Variants in KCNMA1 observed in about 807,000 individuals in gnomAD.
KCNMA1 encodes the protein potassium calcium-activated channel subfamily M alpha 1.
In KCNMA1, 29 loss-of-function variants were observed where a neutral mutation model predicts 140.0. The ratio of observed to expected loss-of-function variants is 0.21; its 90% confidence interval spans 0.15 to 0.28. The LOEUF (loss-of-function observed/expected upper bound fraction) is 0.28, where lower values mean the gene tolerates loss of function less well. KCNMA1 is among the 10% of genes least tolerant of loss of function. The pLI, the probability that KCNMA1 is intolerant of heterozygous loss-of-function variation, is 1.00. For missense variants in KCNMA1, 880 were observed against 1,602.2 expected, an observed-to-expected ratio of 0.55 and a Z score of 7.70; for synonymous variants, 612 against 611.9, an observed-to-expected ratio of 1.00 and a Z score of 0.00.
intron 2 of KCNMA1, among the ~76,000 whole-genome samples, chr10:77,280,640 C>T (rs1158763259): frequency 6.6e-6 from 1 of 152,092 alleles, no homozygotes; most frequent in African/African-American, 2.4e-5. Flanking sequence ...GCTCCTCCCA[C>T]CTCAGCCTCC....
At chr10:77,077,379 T>C (rs2153725448) in intron 13 of KCNMA1, among the ~76,000 whole-genome samples, 1 of 152,334 alleles carries the variant, frequency 6.6e-6, no homozygotes, top group African/African-American at 2.4e-5. Context: ...TAATCATGAA[T>C]TGGTTGATAT....
intron 14 of KCNMA1, among the ~76,000 whole-genome samples, chr10:77,067,153 G>C (rs983844941): frequency 6.6e-6 from 1 of 152,172 alleles, no homozygotes; most frequent in Non-Finnish European, 1.5e-5. Flanking sequence ...TGAATTTGTG[G>C]AGTGAGTAAA....
intron 2 of KCNMA1, among the ~76,000 whole-genome samples, chr10:77,280,098 C>T (rs2067979093): frequency 6.6e-6 from 1 of 152,170 alleles, no homozygotes; most frequent in Non-Finnish European, 1.5e-5. Flanking sequence ...ATAGAGAACA[C>T]CAACATACCA....
intron 17 of KCNMA1, among the ~76,000 whole-genome samples, chr10:77,013,818 T>G (rs748094046): frequency 6.6e-6 from 1 of 152,136 alleles, no homozygotes; most frequent in Non-Finnish European, 1.5e-5. Flanking sequence ...GCCACACAGC[T>G]AAAAGTACCA....
chr10:76,936,265 T>C (rs959130986), intron 23 of KCNMA1, among the ~76,000 whole-genome samples: 1 of 152,188 alleles, frequency 6.6e-6, no homozygotes, highest in Non-Finnish European at 1.5e-5. Flanking sequence ...TTTTCTTTAT[T>C]GTTTAGTAAG....
chr10:77,540,500 C>A (rs1424444968), intron 1 of KCNMA1, among the ~76,000 whole-genome samples: 1 of 152,200 alleles, frequency 6.6e-6, no homozygotes, highest in Non-Finnish European at 1.5e-5. Context: ...AAAAATAATA[C>A]TTAGTGGCTC....
intron 2 of KCNMA1, among the ~76,000 whole-genome samples, chr10:77,260,879 A>C (rs1236759870): frequency 6.6e-6 from 1 of 152,236 alleles, no homozygotes; most frequent in Non-Finnish European, 1.5e-5. Flanking sequence ...AGGACTAGGA[A>C]TCTGTGAAAA....
At chr10:77,401,531 C>T (rs911488448) in intron 2 of KCNMA1, among the ~76,000 whole-genome samples, 10 of 149,912 alleles carry the variant, frequency 6.7e-5, no homozygotes, top group Non-Finnish European at 1.5e-4. Context: ...GGGGTCTGCA[C>T]CCCCCATTTC....
intron 5 of KCNMA1, among the ~76,000 whole-genome samples, chr10:77,159,722 C>G (rs1364871374): frequency 1.3e-5 from 2 of 152,134 alleles, no homozygotes; most frequent in Non-Finnish European, 2.9e-5. Flanking sequence ...AGCCAGAACA[C>G]CACCTCCTTT....
chr10:77,145,482 ATGGTGCCACC>A (rs1218898748), intron 5 of KCNMA1, among the ~76,000 whole-genome samples: 1 of 152,190 alleles, frequency 6.6e-6, no homozygotes, highest in Non-Finnish European at 1.5e-5. Context: ...AGTGTGTCCC[ATGGTGCCACC>A]TGGTATTGTC....
chr10:76,977,537 G>T, intron 19 of KCNMA1: 1 of 702,796 alleles, frequency 1.4e-6, no homozygotes, highest in Non-Finnish European at 2.6e-6. Flanking sequence ...ATATTAACTC[G>T]CTGACCTTTG....
chr10:77,256,611 A>G (rs923863140), intron 2 of KCNMA1, among the ~76,000 whole-genome samples: 2 of 152,136 alleles, frequency 1.3e-5, no homozygotes, highest in Admixed American at 1.3e-4. Context: ...GTACTAGAAA[A>G]AGTACAGAGA....
chr10:77,209,928 C>CAA lies in KCNMA1; in HGVS notation c.603-25014_603-25013dup, dbSNP rs34004473. Among the ~76,000 whole-genome samples, 54 of 128,210 alleles carry CAA rather than the reference C, an allele frequency of 4.2e-4. 2 individuals carry two copies. Among genetic ancestry groups the CAA allele is most frequent in the Admixed American group, 2.1e-3 (27 of 12,864 alleles). The allele number at this position is 128,210 out of a possible 152,430, so 84.1% of individuals were successfully genotyped here. A position where few individuals can be genotyped will look rare whatever the true frequency, so the allele number is the denominator to read the frequency against. On this transcript the variant is annotated intron_variant, in intron 3 of 27. Transcript: ENST00000286628. The stretch of plus-strand genomic sequence containing the variant: ...AGTAATTTAAAAAAAACCTACCAAC[C>CAA]AAAAAAAAAAAAAAAAGTCCTGGAC...
chr10:77,012,223 A>G, intron 17 of KCNMA1, 180 bp from the exon 18 acceptor site: 1 of 1,481,442 alleles, frequency 6.8e-7, no homozygotes, highest in South Asian at 1.4e-5. Context: ...ATTTATTTCA[A>G]ACACAGGATT....
At chr10:76,941,405 C>T (rs925262753) in intron 23 of KCNMA1, among the ~76,000 whole-genome samples, 2 of 152,198 alleles carry the variant, frequency 1.3e-5, no homozygotes, top group Admixed American at 1.3e-4. Flanking sequence ...AGTCAGCTCA[C>T]AGGCTGGGAG....
chr10:77,095,914 G>A (rs2153811606), intron 9 of KCNMA1, among the ~76,000 whole-genome samples: 1 of 152,252 alleles, frequency 6.6e-6, no homozygotes, highest in Non-Finnish European at 1.5e-5. Flanking sequence ...CACTGAAGAT[G>A]ACTTTTAGGT....
chr10:77,235,607 C>A (rs992080278), intron 3 of KCNMA1, among the ~76,000 whole-genome samples: 1 of 152,196 alleles, frequency 6.6e-6, no homozygotes, highest in Non-Finnish European at 1.5e-5. Flanking sequence ...TACTGGCTAA[C>A]AGGTTATTCA....
chr10:77,538,884 G>A (rs2059525904), intron 1 of KCNMA1, among the ~76,000 whole-genome samples: 2 of 152,336 alleles, frequency 1.3e-5, no homozygotes, highest in East Asian at 3.9e-4. Flanking sequence ...GTGTGGAGTG[G>A]TTAGCACAGG....
chr10:77,192,190 A>G (rs1307357511), intron 3 of KCNMA1, among the ~76,000 whole-genome samples: 1 of 152,188 alleles, frequency 6.6e-6, no homozygotes, highest in Non-Finnish European at 1.5e-5. Context: ...AAAGAAAATG[A>G]CATAGATTGC....
Sources: gnomAD v4.1 joint callset for allele counts (sites outside exome capture counted in the v4.1 genomes callset) on GRCh38, gnomAD v4.1.1 for gene constraint, MANE v1.5 for transcripts, NCBI Gene and HGNC (gene_info 2026-07-23, HGNC 2026-07-21) for gene names.